GRIP1: variants seen among roughly 807,000 people sequenced by gnomAD.
GRIP1 encodes the protein glutamate receptor-interacting protein 1.
Under a neutral mutation model 129.9 loss-of-function variants are expected in GRIP1, and 45 were observed. The observed-to-expected ratio is 0.35, with a 90% CI of 0.27 to 0.44. GRIP1 has a LOEUF of 0.44. Ranked by LOEUF, GRIP1 falls within the 20% of genes least tolerant of loss-of-function variation. GRIP1 has a pLI of 1.00. For synonymous variants in GRIP1, 530 were observed against 520.8 expected (o/e 1.02, Z -0.24); for missense variants, 1,196 against 1,396.8 (o/e 0.86, Z 2.29).
At chr12:67,025,107 G>C (rs548079894) in intron 1 of GRIP1, among the ~76,000 whole-genome samples, 1 of 152,328 alleles carries the variant, frequency 6.6e-6, no homozygotes, top group South Asian at 2.1e-4. Flanking sequence ...GGGGGGCCAA[G>C]GCAGGCAGAT....
In GRIP1 at chr12:66,920,586, C is replaced by A. The variant is rs998168485; in HGVS notation, c.58+148464G>T. On this transcript the variant is annotated intron_variant, in intron 1 of 1. Transcript: ENST00000643019. ...GAAGGAACCCAAGAACTAAGGGGAC[C>A]TTTTGATGTCTGATGAAGAATAACC... 2.0e-5 allele frequency among the ~76,000 whole-genome samples: 3 copies of A among 152,300 alleles called. No individual in the cohort carries two copies. The South Asian group carries it at 6.2e-4, about 32-fold the overall frequency.
At chr12:67,036,690 T>C (rs2043101168) in intron 1 of GRIP1, among the ~76,000 whole-genome samples, 2 of 151,914 alleles carry the variant, frequency 1.3e-5, no homozygotes, top group African/African-American at 4.8e-5. Context: ...GCTTCACAAT[T>C]AAATCTCTTT....
At chr12:66,753,680 G>A (rs1275512685) in intron 1 of GRIP1, among the ~76,000 whole-genome samples, 3 of 152,140 alleles carry the variant, frequency 2.0e-5, no homozygotes, top group Admixed American at 2.0e-4. Context: ...TTTGTTCCCA[G>A]AGCATTTATT....
At chr12:66,930,955 T>C (rs1040859198) in intron 1 of GRIP1, among the ~76,000 whole-genome samples, 5 of 152,160 alleles carry the variant, frequency 3.3e-5, no homozygotes, top group African/African-American at 1.2e-4. Context: ...TTTAGAGTAG[T>C]TTAGATGGTT....
At position 66,598,941 on chromosome 12, in the gene GRIP1, T is replaced by C. The variant is rs549691412; in HGVS notation, c.56-2014A>G. 2.0e-5 allele frequency among the ~76,000 whole-genome samples: 3 copies of C among 152,320 alleles called. No homozygotes were observed. The South Asian group carries it at 6.2e-4, about 32-fold the overall frequency. On this transcript the variant is annotated intron_variant, in intron 1 of 24. Coordinates refer to ENST00000359742, the MANE Select transcript of GRIP1 (RefSeq NM_001366722.1). ...CAGGAGACTCTGGGGTTATCTGCAC[T>C]TGATGCTCTATTTTAAGGAGCTAGT...
At chr12:66,455,617 C>T (rs149287467) in intron 10 of GRIP1, 53 bp from the exon 11 acceptor site, 16 of 1,532,822 alleles carry the variant, frequency 1.0e-5, no homozygotes, top group African/African-American at 2.7e-5. Context: ...GGTGTGAGCC[C>T]GCCACACTTG....
intron 13 of GRIP1, among the ~76,000 whole-genome samples, chr12:66,434,187 G>A (rs1013752684): frequency 1.3e-5 from 2 of 152,106 alleles, no homozygotes; most frequent in Non-Finnish European, 2.9e-5. Flanking sequence ...CCCTGGGCCC[G>A]CCTAGCTTTT....
intron 7 of GRIP1, among the ~76,000 whole-genome samples, chr12:66,515,168 GAA>G (rs1350766165): frequency 1.3e-5 from 2 of 151,972 alleles, no homozygotes; most frequent in Non-Finnish European, 2.9e-5. Context: ...ATCTGATTGT[GAA>G]ATAAATGGTC....
At chr12:66,464,385 C>T (rs955770189) in intron 8 of GRIP1, among the ~76,000 whole-genome samples, 50 of 152,052 alleles carry the variant, frequency 3.3e-4, no homozygotes, top group African/African-American at 1.2e-3. Flanking sequence ...GGCATTGAAG[C>T]GAATGATGTT....
At chr12:66,795,104 C>G (rs1312162927) in intron 1 of GRIP1, among the ~76,000 whole-genome samples, 2 of 152,178 alleles carry the variant, frequency 1.3e-5, no homozygotes, top group African/African-American at 4.8e-5. Context: ...ATATTCATGT[C>G]TTCAAAATAC....
At chr12:66,679,944 G>T (rs1049521435), upstream of GRIP1, among the ~76,000 whole-genome samples, 1 of 152,062 alleles carries the variant, frequency 6.6e-6, no homozygotes, top group Non-Finnish European at 1.5e-5. Flanking sequence ...ATAAGAAGGC[G>T]GAGCACACCT....
At chr12:66,832,481 G>A (rs1360772809) in intron 1 of GRIP1, among the ~76,000 whole-genome samples, 2 of 151,730 alleles carry the variant, frequency 1.3e-5, no homozygotes, top group Non-Finnish European at 2.9e-5. Flanking sequence ...GGGAACCAAC[G>A]AAAATCTCAA....
At chr12:66,468,669 C>G (rs1036112734) in intron 7 of GRIP1, among the ~76,000 whole-genome samples, 1 of 97,446 alleles carries the variant, frequency 1.0e-5, no homozygotes, top group Admixed American at 1.3e-4. Context: ...AAATATAAAC[C>G]CTTAAGTTAG....
chr12:66,412,587 T>C (rs1028908704), intron 15 of GRIP1, among the ~76,000 whole-genome samples: 2 of 152,026 alleles, frequency 1.3e-5, no homozygotes, highest in African/African-American at 2.4e-5. Flanking sequence ...GTTTGCAAAA[T>C]AACCAACTAG....
intron 1 of GRIP1, among the ~76,000 whole-genome samples, chr12:66,669,416 T>C (rs2033965491): frequency 6.8e-6 from 1 of 146,614 alleles, no homozygotes; most frequent in Non-Finnish European, 1.5e-5. Context: ...TAAATAAATA[T>C]TAACATTATC....
rs549706909 is a variant in GRIP1 at position 66,455,289 on chromosome 12, G to A, written c.1354+120C>T. 14 of 917,886 alleles carry A rather than the reference G, an allele frequency of 1.5e-5. No individual in the cohort carries two copies. In the East Asian group the frequency reaches 2.9e-4, roughly 19 times the overall value. 56.9% of individuals were successfully genotyped at this position (917,886 alleles called of 1,614,324 possible). A position where few individuals can be genotyped will look rare whatever the true frequency, so the allele number is the denominator to read the frequency against. On this transcript the variant is annotated intron_variant, in intron 11 of 24. Coordinates refer to ENST00000359742, the MANE Select transcript of GRIP1 (RefSeq NM_001366722.1). ...TTGGCACAGAGCTGTTAGCTGCTCA[G>A]CATCTACCTGATCACTTAAGCAACT... is the stretch of plus-strand genomic sequence containing the variant.
chr12:66,600,456 T>A (rs1191275932), intron 1 of GRIP1, among the ~76,000 whole-genome samples: 2 of 152,252 alleles, frequency 1.3e-5, no homozygotes, highest in Non-Finnish European at 2.9e-5. Flanking sequence ...ATATGTGAAT[T>A]AATTATATTC....
chr12:66,810,311 A>T (rs914127330), intron 1 of GRIP1, among the ~76,000 whole-genome samples: 4 of 152,174 alleles, frequency 2.6e-5, no homozygotes, highest in African/African-American at 9.6e-5. Context: ...TAATGCCAGC[A>T]CTTTGGGAGG....
chr12:66,979,907 T>C (rs1294792037), intron 1 of GRIP1, among the ~76,000 whole-genome samples: 1 of 152,162 alleles, frequency 6.6e-6, no homozygotes, highest in African/African-American at 2.4e-5. Flanking sequence ...AGAGGGAACC[T>C]GGCCCTGCTG....
Sources: gnomAD v4.1 joint callset for allele counts (sites outside exome capture counted in the v4.1 genomes callset) on GRCh38, gnomAD v4.1.1 for gene constraint, MANE v1.5 for transcripts, NCBI Gene and HGNC (gene_info 2026-07-23, HGNC 2026-07-21) for gene names.